Variants in DNER observed in about 807,000 individuals in gnomAD.
DNER encodes the protein delta and Notch-like epidermal growth factor-related receptor.
DNER carries 33 observed loss-of-function variants against 78.2 expected under a neutral mutation model. The ratio of observed to expected loss-of-function variants is 0.42; its 90% confidence interval spans 0.32 to 0.56. The LOEUF (loss-of-function observed/expected upper bound fraction) is 0.56. Among genes scored for constraint, DNER ranks in the 20% least tolerant of loss-of-function variants. The probability of loss-of-function intolerance (pLI) is 0.11; values close to 1 mark genes in which losing one functional copy is unlikely to be tolerated. For missense variants in DNER, 918 were observed against 975.3 expected (o/e 0.94, Z 0.78); for synonymous variants, 417 against 384.8 (o/e 1.08, Z -0.98).
At position 229,388,299 on chromosome 2, in the gene DNER, G is replaced by A. The variant is rs141269091; in HGVS notation, c.1821C>T (p.Cys607=). 7.1e-5 allele frequency: 114 copies of A among 1,611,006 alleles called. 2 individuals carry two copies. The African/African-American group carries it at 1.2e-3, about 17-fold the overall frequency. Residue 607 remains cysteine, a synonymous_variant, in exon 11 of 13, where the codon TGC becomes TGT. Coordinates refer to ENST00000341772, the MANE Select transcript of DNER (RefSeq NM_139072.4). The stretch of plus-strand genomic sequence containing the variant: ...AGTTTGCTCCCACCCAACCATGCGG[G>A]CAGTGGCAGTTATAACCATTGGGCT... ...LDQPNGYNCH[C]PHGWVGANCE... is the part of the protein sequence containing the mutation.
intron 5 of DNER, among the ~76,000 whole-genome samples, chr2:229,522,626 A>T (rs1480413943): frequency 6.6e-6 from 1 of 152,194 alleles, no homozygotes; most frequent in Non-Finnish European, 1.5e-5. Flanking sequence ...ATGGAAAAAA[A>T]ATACTTTAAG....
At chr2:229,526,779 G>C (rs879681178) in intron 5 of DNER, among the ~76,000 whole-genome samples, 1 of 152,172 alleles carries the variant, frequency 6.6e-6, no homozygotes, top group Admixed American at 6.6e-5. Context: ...CCAGAATGGG[G>C]GACCTCTGCT....
intron 1 of DNER, among the ~76,000 whole-genome samples, chr2:229,618,106 C>A (rs112946803): frequency 9.9e-4 from 150 of 152,276 alleles, no homozygotes; most frequent in African/African-American, 3.1e-3. Context: ...GCCTTCAGAG[C>A]CTGCCAGCCC....
chr2:229,600,116 C>T (rs895240383), intron 1 of DNER, among the ~76,000 whole-genome samples: 1 of 152,226 alleles, frequency 6.6e-6, no homozygotes, highest in Non-Finnish European at 1.5e-5. Flanking sequence ...GATTCTGATG[C>T]ACCTGGCCCC....
intron 4 of DNER, among the ~76,000 whole-genome samples, chr2:229,549,035 C>A (rs1219271191): frequency 1.3e-5 from 2 of 152,074 alleles, no homozygotes; most frequent in Non-Finnish European, 2.9e-5. Flanking sequence ...CTGCTTTTTT[C>A]TCAACGTTAT....
At chr2:229,674,382 G>A (rs1280929532) in intron 1 of DNER, among the ~76,000 whole-genome samples, 5 of 152,152 alleles carry the variant, frequency 3.3e-5, no homozygotes, top group East Asian at 1.9e-4. Context: ...GGGTTTAAGC[G>A]ATTCTCCTGC....
intron 1 of DNER, among the ~76,000 whole-genome samples, chr2:229,653,606 C>T (rs1698859561): frequency 6.6e-6 from 1 of 152,134 alleles, no homozygotes; most frequent in Admixed American, 6.5e-5. Context: ...TCCTTTCCTG[C>T]CTGAGCAGTT....
intron 1 of DNER, among the ~76,000 whole-genome samples, chr2:229,623,757 A>C (rs1296240738): frequency 2.6e-5 from 4 of 152,140 alleles, no homozygotes; most frequent in Admixed American, 2.6e-4. Flanking sequence ...GGACCTATGG[A>C]TATCTGGTCC....
At chr2:229,433,760 G>A (rs1405613127) in intron 8 of DNER, among the ~76,000 whole-genome samples, 1 of 152,084 alleles carries the variant, frequency 6.6e-6, no homozygotes, top group East Asian at 1.9e-4. Flanking sequence ...CAGACCAGTA[G>A]GTAATATTAA....
intron 8 of DNER, among the ~76,000 whole-genome samples, chr2:229,422,090 A>G (rs1185985529): frequency 6.6e-6 from 1 of 152,192 alleles, no homozygotes; most frequent in Non-Finnish European, 1.5e-5. Context: ...TTCATATTCT[A>G]AAACCGTTTC....
At chr2:229,682,552 T>C (rs1369544855) in intron 1 of DNER, among the ~76,000 whole-genome samples, 4 of 152,088 alleles carry the variant, frequency 2.6e-5, no homozygotes, top group Non-Finnish European at 5.9e-5. Context: ...CATACCAGGA[T>C]AGAAAAGATA....
At chr2:229,581,734 A>G (rs1697400396) in intron 4 of DNER, among the ~76,000 whole-genome samples, 1 of 152,258 alleles carries the variant, frequency 6.6e-6, no homozygotes, top group Admixed American at 6.5e-5. Context: ...AATGTAGAAC[A>G]TTAGGCTCTC....
Position 229,644,301 on chromosome 2 carries a change from C to T in DNER, c.277-52413G>A, listed in dbSNP as rs78388122. 7.6e-3 allele frequency among the ~76,000 whole-genome samples: 1,151 copies of T among 150,944 alleles called. 5 individuals are homozygous for T. The highest frequency in any genetic ancestry group is 0.031 in the Middle Eastern group (9 of 288). On this transcript the variant is annotated intron_variant, in intron 1 of 12. Coordinates refer to ENST00000341772, the MANE Select transcript of DNER (RefSeq NM_139072.4). ...CACTATACTTTGCTTAAATACCCTCCATCCATCAAGTATGATGACTGTCTT... is the reference window on the plus strand; with the variant it reads ...CACTATACTTTGCTTAAATACCCTCTATCCATCAAGTATGATGACTGTCTT...
intron 6 of DNER, among the ~76,000 whole-genome samples, chr2:229,498,924 T>G (rs1695555290): frequency 6.6e-6 from 1 of 152,220 alleles, no homozygotes; most frequent in Non-Finnish European, 1.5e-5. Flanking sequence ...AAAATTTGTA[T>G]GGAACCACAA....
In DNER at chr2:229,571,256, A is replaced by G. The variant is rs10206854; in HGVS notation, c.847+14602T>C. The stretch of plus-strand genomic sequence containing the variant: ...CCAGGCCTGGGCCCGATGTGCAGGA[A>G]GGAGGAAGCTGCCTCATCAGAAGAG... On this transcript the variant is annotated intron_variant, in intron 4 of 12. Coordinates refer to ENST00000341772, the MANE Select transcript of DNER (RefSeq NM_139072.4). Among the ~76,000 whole-genome samples, 781 of 152,230 alleles carry G rather than the reference A, an allele frequency of 5.1e-3. 8 individuals are homozygous for G. Among genetic ancestry groups the G allele is most frequent in the African/African-American group, 0.018 (742 of 41,524 alleles).
intron 9 of DNER, among the ~76,000 whole-genome samples, chr2:229,417,795 C>T (rs1054617527): frequency 6.6e-6 from 1 of 152,168 alleles, no homozygotes; most frequent in Admixed American, 6.6e-5. Context: ...TTTTCACAGC[C>T]ATGGTCTCTA....
intron 1 of DNER, among the ~76,000 whole-genome samples, chr2:229,711,529 A>G (rs1699912675): frequency 6.6e-6 from 1 of 152,214 alleles, no homozygotes; most frequent in Non-Finnish European, 1.5e-5. Flanking sequence ...CAGAAAAGCT[A>G]AAGACATCCT....
At chr2:229,659,872 A>T (rs1285028480) in intron 1 of DNER, among the ~76,000 whole-genome samples, 1 of 152,152 alleles carries the variant, frequency 6.6e-6, no homozygotes, top group East Asian at 1.9e-4. Context: ...TTCATCAATG[A>T]CTGCCATGTA....
At chr2:229,677,929 G>A (rs1329924535) in intron 1 of DNER, among the ~76,000 whole-genome samples, 1 of 152,108 alleles carries the variant, frequency 6.6e-6, no homozygotes, top group Non-Finnish European at 1.5e-5. Context: ...TCTGTCTAAA[G>A]CTTTATTTAA....
Sources: gnomAD v4.1 joint callset for allele counts (sites outside exome capture counted in the v4.1 genomes callset) on GRCh38, gnomAD v4.1.1 for gene constraint, MANE v1.5 for transcripts, NCBI Gene and HGNC (gene_info 2026-07-23, HGNC 2026-07-21) for gene names.